Variants in UBXN7 observed in about 807,000 individuals in gnomAD.
UBXN7 encodes the protein UBX domain protein 7, also known as UBX domain-containing protein 7.
In UBXN7, 9 loss-of-function variants were observed where a neutral mutation model predicts 58.0. That is an observed-to-expected ratio of 0.16 (90% CI 0.09 to 0.27). UBXN7 has a LOEUF of 0.27. Ranked by LOEUF, UBXN7 falls within the 10% of genes least tolerant of loss-of-function variation. The probability of loss-of-function intolerance (pLI) is 1.00; values close to 1 mark genes in which losing one functional copy is unlikely to be tolerated. For synonymous variants in UBXN7, 208 were observed against 205.0 expected, an observed-to-expected ratio of 1.01 and a Z score of -0.12; for missense variants, 328 against 599.6, an observed-to-expected ratio of 0.55 and a Z score of 4.73.
chr3:196,417,268 C>T (rs892229731), intron 1 of UBXN7, among the ~76,000 whole-genome samples: 1 of 152,100 alleles, frequency 6.6e-6, no homozygotes, highest in Non-Finnish European at 1.5e-5. Context: ...GCCGAGATCG[C>T]GCGACTGCAC....
intron 5 of UBXN7, among the ~76,000 whole-genome samples, chr3:196,377,281 G>GCT (rs1729058885): frequency 6.6e-6 from 1 of 152,166 alleles, no homozygotes; most frequent in Non-Finnish European, 1.5e-5. Context: ...TGGCCTCAGT[G>GCT]CTCTGCTCAC....
Position 196,420,174 on chromosome 3 carries a change from A to AG in UBXN7, c.73+12152dup, listed in dbSNP as rs1016934891. 6.6e-5 allele frequency among the ~76,000 whole-genome samples: 10 copies of AG among 151,652 alleles called. No homozygotes were observed. In the South Asian group the frequency reaches 8.4e-4, roughly 13 times the overall value. On this transcript the variant is annotated intron_variant, in intron 1 of 10. Transcript: ENST00000296328. Reference sequence around the variant, plus strand: ...TTAGAAGAACATACCTTTTTTTTTAAGGGGGGGCTAATAAAACAAGTTTGA... The same window carrying AG: ...TTAGAAGAACATACCTTTTTTTTTAAGGGGGGGGCTAATAAAACAAGTTTGA...
At position 196,369,528 on chromosome 3, in the gene UBXN7, A is replaced by T; in HGVS notation, c.616-17T>A. 1 of 1,579,250 alleles carries T rather than the reference A, an allele frequency of 6.3e-7. No homozygotes were observed. Among genetic ancestry groups the T allele is most frequent in the Non-Finnish European group, 8.6e-7 (1 of 1,160,038 alleles). ...ATGATAAACCTGTTAAATCATTGAT[A>T]TAAAAAAAAAAGTCAGCCTCTAAGA... On this transcript the variant is annotated splice_polypyrimidine_tract_variant and intron_variant, in intron 6 of 10. Transcript: ENST00000296328.
At chr3:196,373,333 C>A (rs1294198884) in intron 5 of UBXN7, among the ~76,000 whole-genome samples, 1 of 152,144 alleles carries the variant, frequency 6.6e-6, no homozygotes, top group Non-Finnish European at 1.5e-5. Context: ...GATATCGATA[C>A]ATCAATCGTT....
chr3:196,431,968 A>AAGG (rs1023401914), intron 1 of UBXN7: 7 of 449,308 alleles, frequency 1.6e-5, no homozygotes, highest in African/African-American at 6.0e-5. Context: ...GAAGATGATG[A>AAGG]AGGAGGAGGA....
chr3:196,352,759 C>T lies in UBXN7; in HGVS notation c.*3926G>A, dbSNP rs1380387731. 6.6e-6 allele frequency: 1 copy of T among 151,702 alleles called. No homozygotes were observed. Among genetic ancestry groups the T allele is most frequent in the East Asian group, 2.0e-4 (1 of 5,088 alleles). 9.4% of individuals were successfully genotyped at this position (151,702 alleles called of 1,614,324 possible). A position where few individuals can be genotyped will look rare whatever the true frequency, so the allele number is the denominator to read the frequency against. On this transcript the variant is annotated 3_prime_UTR_variant, in exon 11 of 11. Coordinates refer to ENST00000296328, the MANE Select transcript of UBXN7 (RefSeq NM_015562.2). The surrounding 1 kb of genome is among the most constrained non-coding windows in gnomAD (Gnocchi z 4.1). ...CTGTAATCCCAGCACTTTAGGAGGC[C>T]GAGGTGGGCGGAACACGAGATCAAG... is the stretch of plus-strand genomic sequence containing the variant.
intron 2 of UBXN7, among the ~76,000 whole-genome samples, chr3:196,403,915 A>C (rs1381034294): frequency 1.3e-5 from 2 of 152,144 alleles, no homozygotes. Flanking sequence ...GAAAAAACTC[A>C]TTTAGATATA....
At chr3:196,385,800 T>G (rs1442575411) in intron 5 of UBXN7, among the ~76,000 whole-genome samples, 22 of 115,394 alleles carry the variant, frequency 1.9e-4, no homozygotes, top group South Asian at 8.8e-4. Flanking sequence ...GTGGGGGGGG[T>G]GGGGGCGCCT....
intron 5 of UBXN7, among the ~76,000 whole-genome samples, chr3:196,377,162 G>A (rs1034495122): frequency 3.3e-5 from 5 of 152,048 alleles, no homozygotes; most frequent in Admixed American, 2.0e-4. Flanking sequence ...TTTAGACCCC[G>A]TGGACACACA....
At position 196,383,810 on chromosome 3, in the gene UBXN7, G is replaced by T. The variant is rs182850889; in HGVS notation, c.468+8003C>A. Among the ~76,000 whole-genome samples the T allele has an allele frequency of 1.6e-3, 241 of 152,234 alleles. 3 individuals carry two copies. The highest frequency in any genetic ancestry group is 1.1e-3 in the Non-Finnish European group (78 of 68,030). ...GACACACTTAAAGCAGTGTGTAGAG[G>T]GAAACTCATAGCACTAAATGCCCAC... On this transcript the variant is annotated intron_variant, in intron 5 of 10. Transcript: ENST00000296328.
At chr3:196,371,843 C>G (rs901172022) in intron 6 of UBXN7, 53 bp downstream of exon 6, 2 of 1,578,888 alleles carry the variant, frequency 1.3e-6, no homozygotes, top group Admixed American at 3.7e-5. Flanking sequence ...CCTCAACAAC[C>G]CACACTACAA....
At chr3:196,408,391 A>G (rs1453014755) in intron 1 of UBXN7, among the ~76,000 whole-genome samples, 1 of 152,220 alleles carries the variant, frequency 6.6e-6, no homozygotes, top group Non-Finnish European at 1.5e-5. Context: ...GCTTCTAGTC[A>G]AAAGAAAATA....
At chr3:196,385,583 G>A (rs530779099) in intron 5 of UBXN7, among the ~76,000 whole-genome samples, 11 of 151,608 alleles carry the variant, frequency 7.3e-5, no homozygotes, top group East Asian at 3.9e-4. Flanking sequence ...CAGTGACCCC[G>A]TCTGGGAACT....
chr3:196,403,011 ACTT>A lies in UBXN7; in HGVS notation c.227_229del (p.Glu76del). ...CTGCTTTTGAGGAATTGGGGCACGAACTTCTTCTCTATTAAAAAAAAATGGGAA... is the reference window on the plus strand; with the variant it reads ...CTGCTTTTGAGGAATTGGGGCACGAACTTCTCTATTAAAAAAAAATGGGAA... On this transcript the variant is annotated inframe_deletion, in exon 3 of 11. Transcript: ENST00000296328. The A allele has an allele frequency of 5.0e-6, 8 of 1,589,972 alleles. No homozygotes were observed. The highest frequency in any genetic ancestry group is 6.8e-6 in the Non-Finnish European group (8 of 1,174,724).
intron 3 of UBXN7, 47 bp from the exon 4 acceptor site, chr3:196,393,666 A>T: frequency 6.5e-7 from 1 of 1,549,394 alleles, no homozygotes; most frequent in East Asian, 2.3e-5. Context: ...ATTAATTTTG[A>T]AACAATTCTA....
intron 5 of UBXN7, among the ~76,000 whole-genome samples, chr3:196,381,228 G>C (rs914090153): frequency 1.1e-4 from 16 of 152,232 alleles, no homozygotes; most frequent in African/African-American, 3.9e-4. Flanking sequence ...TCTCCCAGTA[G>C]GGGCCGACAG....
intron 1 of UBXN7, among the ~76,000 whole-genome samples, chr3:196,418,172 G>A (rs185088042): frequency 6.6e-6 from 1 of 152,134 alleles, no homozygotes; most frequent in Non-Finnish European, 1.5e-5. Context: ...AGGAGGCAGA[G>A]GTTGCTGTGG....
chr3:196,416,027 G>A (rs1037162258), intron 1 of UBXN7: 2 of 152,144 alleles, frequency 1.3e-5, no homozygotes, highest in African/African-American at 2.4e-5. Context: ...TGCTCACACC[G>A]CATTACAGCA....
chr3:196,428,978 T>A, intron 1 of UBXN7, among the ~76,000 whole-genome samples: 1 of 148,250 alleles, frequency 6.7e-6, no homozygotes, highest in African/African-American at 2.5e-5. Flanking sequence ...GGAGAACAGC[T>A]TGGGCAACAA....
Sources: allele counts gnomAD v4.1 joint callset (sites outside exome capture counted in the v4.1 genomes callset), GRCh38; gene constraint gnomAD v4.1.1; non-coding constraint Gnocchi (gnomAD v3.1); transcripts MANE v1.5; gene names NCBI Gene and HGNC (gene_info 2026-07-23, HGNC 2026-07-21).